Variants in GANC observed in about 807,000 individuals in gnomAD.
The protein encoded by GANC is neutral alpha-glucosidase C.
In GANC, 117 loss-of-function variants were observed where a neutral mutation model predicts 124.2. That is an observed-to-expected ratio of 0.94 (90% CI 0.81 to 1.10). GANC has a LOEUF of 1.10. Ranked by LOEUF, GANC falls within the 50% of genes least tolerant of loss-of-function variation. The probability of loss-of-function intolerance (pLI) is 0.00; values close to 1 mark genes in which losing one functional copy is unlikely to be tolerated. For synonymous variants in GANC, 377 were observed against 376.8 expected, an observed-to-expected ratio of 1.00 and a Z score of -0.01; for missense variants, 1,140 against 1,095.0, an observed-to-expected ratio of 1.04 and a Z score of -0.58.
At chr15:42,348,947 A>G (rs776744088) in intron 21 of GANC, among the ~76,000 whole-genome samples, 12 of 152,228 alleles carry the variant, frequency 7.9e-5, no homozygotes, top group Non-Finnish European at 1.6e-4. Flanking sequence ...TCCTCCTACT[A>G]AAAATAAAAA....
At chr15:42,281,118 C>G (rs1243647025) in intron 3 of GANC, 3 of 702,430 alleles carry the variant, frequency 4.3e-6, no homozygotes, top group Non-Finnish European at 7.8e-6. Context: ...CCTCTTGGAA[C>G]AAACTCCATG....
chr15:42,338,599 A>G (rs2052302611), intron 16 of GANC, 109 bp downstream of exon 16: 1 of 783,588 alleles, frequency 1.3e-6, no homozygotes. Flanking sequence ...GCAGACATAA[A>G]TGTGGGAAAG....
chr15:42,334,744 A>G (rs1340445864), intron 15 of GANC, among the ~76,000 whole-genome samples: 1 of 81,134 alleles, frequency 1.2e-5, no homozygotes, highest in Non-Finnish European at 3.1e-5. Flanking sequence ...CTACTTTAAG[A>G]GTTGGTTTTC....
intron 8 of GANC, among the ~76,000 whole-genome samples, chr15:42,309,852 C>T (rs940070889): frequency 1.3e-5 from 2 of 151,908 alleles, no homozygotes; most frequent in African/African-American, 4.8e-5. Flanking sequence ...AACCGCATCT[C>T]TACCAAAAAA....
Position 42,291,971 on chromosome 15 carries a change from A to G in GANC, c.330-764A>G, listed in dbSNP as rs374725670. ...ATCCATGGAGGACTGAAAAGACATCATAAGAACATAAACTGTCTCTTTTTA... is the reference window on the plus strand; with the variant it reads ...ATCCATGGAGGACTGAAAAGACATCGTAAGAACATAAACTGTCTCTTTTTA... On this transcript the variant is annotated intron_variant, in intron 4 of 23. Transcript: ENST00000318010. 1.1e-4 allele frequency among the ~76,000 whole-genome samples: 17 copies of G among 152,322 alleles called. No homozygotes were observed. The South Asian group carries it at 2.1e-3, about 19-fold the overall frequency.
At chr15:42,334,569 A>T (rs1341987442) in intron 15 of GANC, among the ~76,000 whole-genome samples, 4 of 152,258 alleles carry the variant, frequency 2.6e-5, no homozygotes, top group African/African-American at 9.6e-5. Flanking sequence ...ATCAAAATTT[A>T]AAAATGTCTG....
chr15:42,333,722 G>A (rs942306023), intron 15 of GANC, among the ~76,000 whole-genome samples: 3 of 152,182 alleles, frequency 2.0e-5, no homozygotes, highest in African/African-American at 7.2e-5. Context: ...TTATTAAGTA[G>A]GATAATACCA....
chr15:42,338,338 G>A (rs542081015), intron 15 of GANC, 51 bp from the exon 16 acceptor site: 6 of 1,276,710 alleles, frequency 4.7e-6, no homozygotes, highest in Admixed American at 3.8e-5. Context: ...ATAGGAAATT[G>A]AACGCATGGG....
At chr15:42,337,906 C>T (rs1034522953) in intron 15 of GANC, among the ~76,000 whole-genome samples, 68 of 152,136 alleles carry the variant, frequency 4.5e-4, no homozygotes, top group Non-Finnish European at 9.0e-4. Context: ...GCTAAAAATA[C>T]AAAATTTAGC....
chr15:42,288,078 G>T (rs1027555834), intron 4 of GANC, among the ~76,000 whole-genome samples: 1 of 152,092 alleles, frequency 6.6e-6, no homozygotes, highest in East Asian at 1.9e-4. Flanking sequence ...TATTTAACGG[G>T]GAGAAGCAGA....
chr15:42,290,538 T>A (rs1441337599), intron 4 of GANC, among the ~76,000 whole-genome samples: 1 of 152,180 alleles, frequency 6.6e-6, no homozygotes, highest in Non-Finnish European at 1.5e-5. Context: ...CTGAGTGCAG[T>A]GGTTCACACC....
chr15:42,352,405 G>C lies in GANC; in HGVS notation c.*266G>C. Reference sequence around the variant, plus strand: ...GCCCTGAGACATTTATAGCGTTCAGGAGTCTTCTATTGCTTCCATTCCTTC... The same window carrying C: ...GCCCTGAGACATTTATAGCGTTCAGCAGTCTTCTATTGCTTCCATTCCTTC... On this transcript the variant is annotated 3_prime_UTR_variant, in exon 24 of 24. Coordinates refer to ENST00000318010, the MANE Select transcript of GANC (RefSeq NM_198141.3). 1.7e-6 allele frequency: 2 copies of C among 1,203,828 alleles called. No individual in the cohort carries two copies. The highest frequency in any genetic ancestry group is 4.5e-5 in the East Asian group (1 of 22,046). The allele number at this position is 1,203,828 out of a possible 1,614,324, so 74.6% of individuals were successfully genotyped here.
At chr15:42,295,615 A>G (rs1214192722) in intron 5 of GANC, among the ~76,000 whole-genome samples, 1 of 150,624 alleles carries the variant, frequency 6.6e-6, no homozygotes, top group African/African-American at 2.4e-5. Flanking sequence ...AAAGCAACAC[A>G]AGAAGAAAAA....
chr15:42,352,297 G>T lies in GANC; in HGVS notation c.*158G>T. ...TATACTAATGAACAATAGATTTCAT[G>T]TTTCAAAATTTCAGATTTTACATGT... On this transcript the variant is annotated 3_prime_UTR_variant, in exon 24 of 24. Transcript: ENST00000318010. 1 of 1,424,686 alleles carries T rather than the reference G, an allele frequency of 7.0e-7. No individual in the cohort carries two copies. The highest frequency in any genetic ancestry group is 9.2e-7 in the Non-Finnish European group (1 of 1,090,016). 88.3% of individuals were successfully genotyped at this position (1,424,686 alleles called of 1,614,324 possible).
intron 20 of GANC, 99 bp downstream of exon 20, chr15:42,345,931 A>C: frequency 1.2e-6 from 1 of 804,568 alleles, no homozygotes; most frequent in Non-Finnish European, 2.0e-6. Context: ...TTTACCCAAC[A>C]GAAACTTATT....
chr15:42,353,254 T>G lies in GANC; in HGVS notation c.*1115T>G. 1 of 986,034 alleles carries G rather than the reference T, an allele frequency of 1.0e-6. No individual in the cohort carries two copies. The highest frequency in any genetic ancestry group is 1.2e-6 in the Non-Finnish European group (1 of 830,070). The allele number at this position is 986,034 out of a possible 1,614,324, so 61.1% of individuals were successfully genotyped here. On this transcript the variant is annotated 3_prime_UTR_variant, in exon 24 of 24. Coordinates refer to ENST00000318010, the MANE Select transcript of GANC (RefSeq NM_198141.3). ...CTCAGCACTCCTCAGCACACACCTC[T>G]TCTTATCAGGCTTCCTCCACTTAGC...
chr15:42,352,768 T>C lies in GANC; in HGVS notation c.*629T>C. The stretch of plus-strand genomic sequence containing the variant: ...AATTAATCTTAAAATCCATGTCTTT[T>C]ACATTGTTTTTTTAATTAAGTGCTG... On this transcript the variant is annotated 3_prime_UTR_variant, in exon 24 of 24. Coordinates refer to ENST00000318010, the MANE Select transcript of GANC (RefSeq NM_198141.3). The C allele has an allele frequency of 1.0e-6, 1 of 973,304 alleles. No individual in the cohort carries two copies. Among genetic ancestry groups the C allele is most frequent in the Non-Finnish European group, 1.2e-6 (1 of 818,474 alleles). 60.3% of individuals were successfully genotyped at this position (973,304 alleles called of 1,614,324 possible).
At chr15:42,312,765 C>T (rs2052064322) in intron 10 of GANC, among the ~76,000 whole-genome samples, 1 of 151,934 alleles carries the variant, frequency 6.6e-6, no homozygotes, top group South Asian at 2.1e-4. Context: ...ATGGCGAAAA[C>T]CTGTCTCTAC....
intron 13 of GANC, 33 bp from the exon 14 acceptor site, chr15:42,329,273 G>T: frequency 6.3e-7 from 1 of 1,596,436 alleles, no homozygotes; most frequent in Non-Finnish European, 8.5e-7. Flanking sequence ...CATCATCAAT[G>T]TAGGAGTGTC....
Sources: allele counts gnomAD v4.1 joint callset (sites outside exome capture counted in the v4.1 genomes callset), GRCh38; gene constraint gnomAD v4.1.1; transcripts MANE v1.5; gene names NCBI Gene and HGNC (gene_info 2026-07-23, HGNC 2026-07-21).